The following KIF1A variants were observed in gnomAD, a reference collection of about 807,000 sequenced individuals.
The protein encoded by KIF1A is kinesin family member 1A, also known as kinesin-like protein KIF1A.
A neutral mutation model predicts 227.3 loss-of-function variants in KIF1A; 46 were observed. The observed-to-expected ratio is 0.20, with a 90% CI of 0.16 to 0.26. KIF1A has a LOEUF of 0.26. Among genes scored for constraint, KIF1A ranks in the 10% least tolerant of loss-of-function variants. KIF1A has a pLI of 1.00. For synonymous variants in KIF1A, 1,022 were observed against 1,012.8 expected, an observed-to-expected ratio of 1.01 and a Z score of -0.17; for missense variants, 1,683 against 2,485.9, an observed-to-expected ratio of 0.68 and a Z score of 6.87.
chr2:240,809,585 G>C (rs1207973632), intron 1 of KIF1A, among the ~76,000 whole-genome samples: 2 of 152,054 alleles, frequency 1.3e-5, no homozygotes, highest in Non-Finnish European at 2.9e-5. Flanking sequence ...ATTCCATGTG[G>C]ATTAAAGACC....
At chr2:240,750,751 A>G (rs2125826633) in intron 27 of KIF1A, among the ~76,000 whole-genome samples, 1 of 152,264 alleles carries the variant, frequency 6.6e-6, no homozygotes, top group Middle Eastern at 3.4e-3. Flanking sequence ...AGGTGGAGGG[A>G]CAGAGAGGAG....
At chr2:240,761,489 G>C in intron 23 of KIF1A, 112 bp from the exon 24 acceptor site, 1 of 992,740 alleles carries the variant, frequency 1.0e-6, no homozygotes, top group Non-Finnish European at 1.4e-6. Flanking sequence ...TGCCTAAGCT[G>C]ACCCTGTGCT....
At chr2:240,803,251 C>T (rs2057120163) in intron 1 of KIF1A, among the ~76,000 whole-genome samples, 1 of 152,202 alleles carries the variant, frequency 6.6e-6, no homozygotes, top group South Asian at 2.1e-4. Context: ...CGGAAGGTAG[C>T]TAAAGCCGGA....
At chr2:240,817,199 G>A (rs528613268) in intron 1 of KIF1A, among the ~76,000 whole-genome samples, 118 of 152,320 alleles carry the variant, frequency 7.7e-4, no homozygotes, top group Non-Finnish European at 1.4e-3. Context: ...CAGGCCCAAC[G>A]CTGCCTGGCT....
chr2:240,744,950 G>A (rs1467679064), intron 32 of KIF1A, among the ~76,000 whole-genome samples: 2 of 152,138 alleles, frequency 1.3e-5, no homozygotes, highest in Non-Finnish European at 2.9e-5. Context: ...TGGAGAAGGA[G>A]CTGCTCCGCC....
chr2:240,738,173 G>A (rs757938617), intron 37 of KIF1A, among the ~76,000 whole-genome samples: 28 of 152,210 alleles, frequency 1.8e-4, no homozygotes, highest in Admixed American at 3.3e-4. Context: ...CTCAGCCCTC[G>A]GGGCCTGCAC....
chr2:240,804,038 T>G (rs2057191170), intron 1 of KIF1A, among the ~76,000 whole-genome samples: 1 of 152,044 alleles, frequency 6.6e-6, no homozygotes, highest in African/African-American at 2.4e-5. Flanking sequence ...AAGGCCGAGG[T>G]GGGTGGATCA....
chr2:240,777,469 G>A (rs1163622601), intron 10 of KIF1A, among the ~76,000 whole-genome samples: 2 of 152,106 alleles, frequency 1.3e-5, no homozygotes, highest in Non-Finnish European at 2.9e-5. Flanking sequence ...GCAGCCCCCT[G>A]GGTTTCCTGC....
intron 9 of KIF1A, among the ~76,000 whole-genome samples, 166 bp from the exon 10 acceptor site, chr2:240,782,773 C>T (rs79232290): frequency 6.6e-6 from 1 of 152,310 alleles, no homozygotes; most frequent in East Asian, 1.9e-4. Context: ...CCCTCCAGGG[C>T]CGCCCTTCCC....
At chr2:240,721,937 C>A in intron 43 of KIF1A, 53 bp from the exon 44 acceptor site, 1 of 1,465,410 alleles carries the variant, frequency 6.8e-7, no homozygotes, top group South Asian at 1.2e-5. Flanking sequence ...GGACCCTGCT[C>A]AGACAGCCTT....
chr2:240,798,500 C>T (rs923409933), intron 1 of KIF1A, among the ~76,000 whole-genome samples: 1 of 152,224 alleles, frequency 6.6e-6, no homozygotes, highest in Non-Finnish European at 1.5e-5. Context: ...CAAGCCAGGG[C>T]TGGGGGACCA....
At chr2:240,774,347 A>G in intron 11 of KIF1A, 86 bp from the exon 12 acceptor site, 2 of 756,540 alleles carry the variant, frequency 2.6e-6, no homozygotes, top group Non-Finnish European at 4.5e-6. Context: ...ACATTTACAG[A>G]TGGGGAGGCT....
intron 38 of KIF1A, among the ~76,000 whole-genome samples, chr2:240,732,795 ATGAG>A (rs2046888131): frequency 1.2e-5 from 1 of 86,448 alleles, no homozygotes; most frequent in Non-Finnish European, 2.3e-5. Context: ...GGGATAAGGG[ATGAG>A]GGGATGAGGG....
At chr2:240,773,467 G>T (rs1224736142) in intron 12 of KIF1A, among the ~76,000 whole-genome samples, 1 of 152,176 alleles carries the variant, frequency 6.6e-6, no homozygotes, top group African/African-American at 2.4e-5. Context: ...GGCCAGAGAA[G>T]ACTTACAAGG....
intron 34 of KIF1A, among the ~76,000 whole-genome samples, chr2:240,741,919 CTCTG>C (rs1447213582): frequency 6.6e-6 from 1 of 152,236 alleles, no homozygotes; most frequent in Non-Finnish European, 1.5e-5. Flanking sequence ...CTTCACCCAC[CTCTG>C]TCTACCACTC....
intron 38 of KIF1A, among the ~76,000 whole-genome samples, chr2:240,729,423 G>A (rs2046370090): frequency 6.6e-6 from 1 of 152,198 alleles, no homozygotes; most frequent in Non-Finnish European, 1.5e-5. Context: ...GCCCTTCAGA[G>A]AGCACCAGGT....
intron 38 of KIF1A, chr2:240,728,391 A>G: frequency 7.7e-7 from 1 of 1,301,578 alleles, no homozygotes; most frequent in Non-Finnish European, 1.0e-6. Context: ...AGCTGTACCT[A>G]GTGTCATTTC....
At chr2:240,805,331 A>G (rs1216814461) in intron 1 of KIF1A, among the ~76,000 whole-genome samples, 1 of 152,272 alleles carries the variant, frequency 6.6e-6, no homozygotes, top group Admixed American at 6.5e-5. Flanking sequence ...GGAAAGAACC[A>G]TGCAGAACTT....
intron 45 of KIF1A, 185 bp from the exon 46 acceptor site, chr2:240,720,111 C>G: frequency 2.0e-6 from 1 of 505,424 alleles, no homozygotes; most frequent in Non-Finnish European, 3.2e-6. Context: ...AGCTTGTGCC[C>G]GATTCCAGGA....
Sources: gnomAD v4.1 joint callset for allele counts (sites outside exome capture counted in the v4.1 genomes callset) on GRCh38, gnomAD v4.1.1 for gene constraint, MANE v1.5 for transcripts, NCBI Gene and HGNC (gene_info 2026-07-23, HGNC 2026-07-21) for gene names.